Variants in ALDH1A3 observed in about 807,000 individuals in gnomAD.
The protein encoded by ALDH1A3 is retinaldehyde dehydrogenase 3.
Under a neutral mutation model 57.5 loss-of-function variants are expected in ALDH1A3, and 28 were observed. The ratio of observed to expected loss-of-function variants is 0.49; its 90% CI spans 0.36 to 0.67. ALDH1A3 has a LOEUF of 0.67. Ranked by LOEUF, ALDH1A3 falls within the 30% of genes least tolerant of loss-of-function variation. The pLI is 0.00. For synonymous variants in ALDH1A3, 281 were observed against 264.8 expected (o/e 1.06, Z -0.59); for missense variants, 507 against 669.4 (o/e 0.76, Z 2.68).
At chr15:100,881,941 T>C (rs920571605) in intron 1 of ALDH1A3, among the ~76,000 whole-genome samples, 4 of 152,206 alleles carry the variant, frequency 2.6e-5, no homozygotes, top group African/African-American at 9.6e-5. Flanking sequence ...GGCACAGTCC[T>C]CAGGGAGACT....
rs751729739 is a variant in ALDH1A3 at position 100,907,203 on chromosome 15, T to C, written c.1316T>C (p.Leu439Pro). ...AGAGCGAATAGCACCGACTATGGACTCACAGCAGCCGTGTTCACAAAAAAT... is the reference window on the plus strand; with the variant it reads ...AGAGCGAATAGCACCGACTATGGACCCACAGCAGCCGTGTTCACAAAAAAT... ...IKRANSTDYG[L>P]TAAVFTKNLD... The change falls in exon 11 of 13, where the codon CTC becomes CCC. Residue 439 changes from leucine to proline, a missense_variant. Physicochemically the swap from Leu to Pro is moderately conservative, Grantham distance 98. Transcript: ENST00000329841. 3 of 1,614,206 alleles carry C rather than the reference T, an allele frequency of 1.9e-6. No individual in the cohort carries two copies. Among genetic ancestry groups the C allele is most frequent in the Non-Finnish European group, 2.5e-6 (3 of 1,180,036 alleles).
At position 100,905,570 on chromosome 15, in the gene ALDH1A3, G is replaced by C. The variant is rs2041813634; in HGVS notation, c.1116G>C (p.Gly372=). 1.2e-6 allele frequency: 2 copies of C among 1,614,058 alleles called. No homozygotes were observed. The highest frequency in any genetic ancestry group is 1.7e-6 in the Non-Finnish European group (2 of 1,180,022). The change falls in exon 10 of 13, where the codon GGG becomes GGC. Residue 372 remains glycine (G), a synonymous_variant. Coordinates refer to ENST00000329841, the MANE Select transcript of ALDH1A3 (RefSeq NM_000693.4). The stretch of plus-strand genomic sequence containing the variant: ...AAATCTTAGAGCTGATCGAGAGTGG[G>C]AAGAAGGAAGGGGCCAAGCTGGAAT... The part of the protein sequence containing the change: ...FDKILELIES[G]KKEGAKLECG...
chr15:100,896,108 C>A, intron 7 of ALDH1A3, 62 bp downstream of exon 7: 1 of 1,300,384 alleles, frequency 7.7e-7, no homozygotes, highest in Non-Finnish European at 1.1e-6. Context: ...CACCCGTGAG[C>A]TTTTCCTTTG....
chr15:100,902,686 T>A lies in ALDH1A3; in HGVS notation c.1068+1927T>A, dbSNP rs2041781879. Among the ~76,000 whole-genome samples, 3 of 152,372 alleles carry A rather than the reference T, an allele frequency of 2.0e-5. No individual in the cohort carries two copies. In the South Asian group the frequency reaches 6.2e-4, roughly 32 times the overall value. On this transcript the variant is annotated intron_variant, in intron 9 of 12. Transcript: ENST00000329841. The stretch of plus-strand genomic sequence containing the variant: ...GGGCCGTATTTCCCTGTTTCTGGTG[T>A]TGTGCCCTGCTGCGTCATCTCACTT...
chr15:100,895,282 C>G (rs1219602867), intron 6 of ALDH1A3: 2 of 151,290 alleles, frequency 1.3e-5, no homozygotes, highest in African/African-American at 4.9e-5. Context: ...AACCCCATCT[C>G]TACTTAAAAA....
chr15:100,885,062 G>A (rs928423101), intron 1 of ALDH1A3, among the ~76,000 whole-genome samples: 6 of 152,036 alleles, frequency 3.9e-5, no homozygotes, highest in Non-Finnish European at 5.9e-5. Flanking sequence ...CTTGAATTTC[G>A]AGTCTGTCCT....
Position 100,893,810 on chromosome 15 carries a change from G to A in ALDH1A3, c.538-144G>A. ...AAGTGCTGTGCAGGATTGCAGTTCT[G>A]ATCATTGCACACTCCTATGTTACCC... On this transcript the variant is annotated intron_variant, in intron 5 of 12. Transcript: ENST00000329841. This position sits in a 1 kb window ranked among gnomAD's most constrained non-coding sequence, Gnocchi z 4.8. 4 of 1,127,076 alleles carry A rather than the reference G, an allele frequency of 3.5e-6. No individual in the cohort carries two copies. The East Asian group carries it at 7.2e-5, about 20-fold the overall frequency. 69.8% of individuals were successfully genotyped at this position (1,127,076 alleles called of 1,614,324 possible).
chr15:100,902,685 G>C (rs543822586), intron 9 of ALDH1A3, among the ~76,000 whole-genome samples: 84 of 152,360 alleles, frequency 5.5e-4, no homozygotes, highest in African/African-American at 2.0e-3. Flanking sequence ...TGTTTCTGGT[G>C]TTGTGCCCTG....
At chr15:100,913,550 G>C (rs901319766) in intron 12 of ALDH1A3, 12 of 152,194 alleles carry the variant, frequency 7.9e-5, no homozygotes, top group Non-Finnish European at 1.5e-5. Context: ...TGATTACACT[G>C]GGTCTGCCTG....
At position 100,892,956 on chromosome 15, in the gene ALDH1A3, G is replaced by C. The variant is rs150542846; in HGVS notation, c.487G>C (p.Val163Leu). The C allele has an allele frequency of 6.2e-7, 1 of 1,614,070 alleles. No homozygotes were observed. The highest frequency in any genetic ancestry group is 8.5e-7 in the Non-Finnish European group (1 of 1,179,988). The change falls in exon 5 of 13, where the codon GTG becomes CTG. Residue 163 changes from valine to leucine, a missense_variant. Coordinates refer to ENST00000329841, the MANE Select transcript of ALDH1A3 (RefSeq NM_000693.4). ...TAACCCTCTTCCAGATGACAACGTC[G>C]TGTGCTTCACCAGGCATGAGCCCAT... ...GKTIPTDDNV[V>L]CFTRHEPIGV...
rs1396541215 is a variant in ALDH1A3, at chr15:100,893,792, G to A, written c.538-162G>A. Reference sequence around the variant, plus strand: ...CCCAGAATGCAGTTTAGGAAGTGCTGTGCAGGATTGCAGTTCTGATCATTG... The same window carrying A: ...CCCAGAATGCAGTTTAGGAAGTGCTATGCAGGATTGCAGTTCTGATCATTG... On this transcript the variant is annotated intron_variant, in intron 5 of 12. Transcript: ENST00000329841. The surrounding 1 kb of genome is among the most constrained non-coding windows in gnomAD (Gnocchi z 4.8). 7.7e-6 allele frequency: 7 copies of A among 906,456 alleles called. No individual in the cohort carries two copies. In the East Asian group the frequency reaches 1.0e-4, roughly 13 times the overall value. 56.2% of individuals were successfully genotyped at this position (906,456 alleles called of 1,614,324 possible).
In ALDH1A3 at chr15:100,887,013, C is replaced by A. The variant is rs2041601612; in HGVS notation, c.205-559C>A. Among the ~76,000 whole-genome samples the A allele has an allele frequency of 1.3e-5, 2 of 152,188 alleles. No individual in the cohort carries two copies. The highest frequency in any genetic ancestry group is 2.4e-5 in the African/African-American group (1 of 41,444). The stretch of plus-strand genomic sequence containing the variant: ...ACACTGAGGCAGCCAGTGGAAAGTC[C>A]TTCCGTACTTGGGTCCCTGAGAAAA... On this transcript the variant is annotated intron_variant, in intron 2 of 12. Transcript: ENST00000329841. This position sits in a 1 kb window ranked among gnomAD's most constrained non-coding sequence, Gnocchi z 4.6.
chr15:100,894,116 T>G lies in ALDH1A3; in HGVS notation c.666+34T>G. 6 of 1,609,834 alleles carry G rather than the reference T, an allele frequency of 3.7e-6. No homozygotes were observed. Among genetic ancestry groups the G allele is most frequent in the Non-Finnish European group, 5.1e-6 (6 of 1,177,740 alleles). ...TCCAAAAAGAAAATATCACATGTTC[T>G]TGGTAACATTCCCACTCCTAGGAAC... On this transcript the variant is annotated intron_variant, in intron 6 of 12. Coordinates refer to ENST00000329841, the MANE Select transcript of ALDH1A3 (RefSeq NM_000693.4). The surrounding 1 kb of genome is among the most constrained non-coding windows in gnomAD (Gnocchi z 4.5).
chr15:100,896,063 G>C lies in ALDH1A3; in HGVS notation c.780+17G>C, dbSNP rs915806673. On this transcript the variant is annotated intron_variant, in intron 7 of 12. Transcript: ENST00000329841. ...TCCACAGAGGTAACCCTCCTCACAG[G>C]GTGCTGGGGAAAGTGAAAGGGGCGT... The C allele has an allele frequency of 3.1e-6, 5 of 1,589,540 alleles. No homozygotes were observed. The highest frequency in any genetic ancestry group is 1.3e-5 in the African/African-American group (1 of 74,214).
chr15:100,915,813 A>G lies in ALDH1A3; in HGVS notation c.*1040A>G, dbSNP rs1263618447. ...AGTCCTATTTTGATATTAATTTCTGATTAGTTAGTAAATAACACCTGGATT... is the reference window on the plus strand; with the variant it reads ...AGTCCTATTTTGATATTAATTTCTGGTTAGTTAGTAAATAACACCTGGATT... On this transcript the variant is annotated 3_prime_UTR_variant, in exon 13 of 13. Transcript: ENST00000329841. 3 of 152,216 alleles carry G rather than the reference A, an allele frequency of 2.0e-5. No homozygotes were observed. The highest frequency in any genetic ancestry group is 4.4e-5 in the Non-Finnish European group (3 of 68,028). The allele number at this position is 152,216 out of a possible 1,614,324, so 9.4% of individuals were successfully genotyped here.
Position 100,905,691 on chromosome 15 carries a change from C to A in ALDH1A3, c.1233+4C>A, listed in dbSNP as rs1272592792. On this transcript the variant is annotated splice_donor_region_variant and intron_variant, in intron 10 of 12. Transcript: ENST00000329841. ...CATGCGGATTGCCAAAGAGGAGGTA[C>A]AAGGGGGCTGTGGCAAGGCTACGAC... 1.3e-6 allele frequency: 2 copies of A among 1,558,170 alleles called. No individual in the cohort carries two copies. The highest frequency in any genetic ancestry group is 8.7e-7 in the Non-Finnish European group (1 of 1,151,886).
At chr15:100,898,206 G>A (rs766998943) in intron 8 of ALDH1A3, 21 bp downstream of exon 8, 7 of 1,606,164 alleles carry the variant, frequency 4.4e-6, no homozygotes, top group East Asian at 2.2e-5. Context: ...GCCCTCCTGG[G>A]CTTTGCTGGG....
chr15:100,907,574 C>CCCT (rs1358556711), intron 11 of ALDH1A3, among the ~76,000 whole-genome samples: 1 of 152,146 alleles, frequency 6.6e-6, no homozygotes, highest in East Asian at 1.9e-4. Context: ...GCTGTACTGC[C>CCCT]CCTCCAACTT....
Position 100,894,327 on chromosome 15 carries a change from T to A in ALDH1A3, c.666+245T>A. 2.3e-6 allele frequency: 1 copy of A among 432,826 alleles called. No individual in the cohort carries two copies. The highest frequency in any genetic ancestry group is 4.1e-6 in the Non-Finnish European group (1 of 241,180). 26.8% of individuals were successfully genotyped at this position (432,826 alleles called of 1,614,324 possible). A position where few individuals can be genotyped will look rare whatever the true frequency, so the allele number is the denominator to read the frequency against. The stretch of plus-strand genomic sequence containing the variant: ...TTAACTCTTATTATGGGCTCAAACC[T>A]ATGGTTGAGGACCCAGTGGTTTGTC... On this transcript the variant is annotated intron_variant, in intron 6 of 12. Coordinates refer to ENST00000329841, the MANE Select transcript of ALDH1A3 (RefSeq NM_000693.4). This position sits in a 1 kb window ranked among gnomAD's most constrained non-coding sequence, Gnocchi z 4.5.
Sources: allele counts gnomAD v4.1 joint callset (sites outside exome capture counted in the v4.1 genomes callset), GRCh38; gene constraint gnomAD v4.1.1; non-coding constraint Gnocchi (gnomAD v3.1); transcripts MANE v1.5; gene names NCBI Gene and HGNC (gene_info 2026-07-23, HGNC 2026-07-21).